Variants in TBXAS1 observed in about 807,000 individuals in gnomAD.
TBXAS1 encodes thromboxane A synthase 1, also known as thromboxane-A synthase.
A neutral mutation model predicts 60.7 loss-of-function variants in TBXAS1; 48 were observed. That is an observed-to-expected ratio of 0.79 (90% CI 0.63 to 1.01). The LOEUF (loss-of-function observed/expected upper bound fraction) is 1.01, where lower values mean the gene tolerates loss of function less well. Among genes scored for constraint, TBXAS1 ranks in the 50% least tolerant of loss-of-function variants. The probability of loss-of-function intolerance (pLI) is 0.00; values close to 1 mark genes in which losing one functional copy is unlikely to be tolerated. For synonymous variants in TBXAS1, 287 were observed against 269.7 expected (o/e 1.06, Z -0.63); for missense variants, 685 against 686.3 (o/e 1.00, Z 0.02).
At chr7:139,863,420 T>C (rs2116734966) in intron 1 of TBXAS1, among the ~76,000 whole-genome samples, 2 of 152,334 alleles carry the variant, frequency 1.3e-5, no homozygotes, top group Middle Eastern at 3.4e-3. Flanking sequence ...CAACAAATTA[T>C]AATGGCTGTC....
chr7:139,890,084 A>G (rs1803440587), intron 3 of TBXAS1, among the ~76,000 whole-genome samples: 1 of 152,178 alleles, frequency 6.6e-6, no homozygotes, highest in Non-Finnish European at 1.5e-5. Flanking sequence ...TTCCACTGAC[A>G]GTAATAATTG....
intron 4 of TBXAS1, among the ~76,000 whole-genome samples, chr7:139,925,638 AT>A (rs1444385614): frequency 3.7e-4 from 57 of 152,300 alleles, no homozygotes; most frequent in Non-Finnish European, 1.5e-4. Flanking sequence ...CGTTTATTTC[AT>A]TCTCTTGACT....
chr7:139,908,680 G>T (rs1300066687), intron 3 of TBXAS1, among the ~76,000 whole-genome samples: 1 of 151,980 alleles, frequency 6.6e-6, no homozygotes, highest in Non-Finnish European at 1.5e-5. Context: ...ATCATATGGT[G>T]GTGAAATTTT....
chr7:139,799,310 A>C (rs1213142739), intron 4 of TBXAS1, among the ~76,000 whole-genome samples: 1 of 151,602 alleles, frequency 6.6e-6, no homozygotes, highest in African/African-American at 2.4e-5. Context: ...GCTCACTGCA[A>C]ACTCTGCTTC....
intron 1 of TBXAS1, among the ~76,000 whole-genome samples, chr7:139,840,826 G>A (rs896870944): frequency 6.6e-5 from 10 of 152,232 alleles, no homozygotes; most frequent in Non-Finnish European, 1.5e-4. Context: ...TGTCTGGCAA[G>A]GTGGCAAGAG....
intron 9 of TBXAS1, among the ~76,000 whole-genome samples, chr7:139,983,626 C>T (rs141723120): frequency 6.6e-6 from 1 of 152,280 alleles, no homozygotes; most frequent in African/African-American, 2.4e-5. Flanking sequence ...ATTTTCTCAC[C>T]TACTCAGTCT....
rs572309689 is a variant in TBXAS1 at position 140,010,717 on chromosome 7, G to A, written c.1226+3535G>A. On this transcript the variant is annotated intron_variant, in intron 10 of 12. Transcript: ENST00000448866. ...CTTAGCATCTCAATGGGTTCTCCAC[G>A]CCCTGGCCTTTTTCTGTTCCTGTCT... 2.4e-4 allele frequency among the ~76,000 whole-genome samples: 36 copies of A among 152,162 alleles called. 1 individual carries two copies. In the East Asian group the frequency reaches 6.2e-3, roughly 26 times the overall value.
At chr7:139,910,567 G>C (rs1805441814) in intron 3 of TBXAS1, among the ~76,000 whole-genome samples, 1 of 152,142 alleles carries the variant, frequency 6.6e-6, no homozygotes, top group South Asian at 2.1e-4. Flanking sequence ...AACCCGGGAG[G>C]GGGAGGTTGC....
At chr7:139,839,695 A>C (rs10266771) in intron 1 of TBXAS1, among the ~76,000 whole-genome samples, 65,677 of 145,664 alleles carry the variant, frequency 0.45, 15,631 homozygotes, top group East Asian at 0.82. Context: ...AAAAAAAAAA[A>C]CAAATCAAAA....
In TBXAS1 at chr7:139,798,397, G is replaced by C. The variant is rs139462663; in HGVS notation, c.-80+10971G>C. On this transcript the variant is annotated intron_variant, in intron 4 of 16. Coordinates refer to the TBXAS1 transcript ENST00000336425. ...GAGCCAAGTTTCCACTGTGCTGTGA[G>C]CAGAGGAAGCCAGGTGTATTGTTCC... Among the ~76,000 whole-genome samples the C allele has an allele frequency of 1.4e-3, 212 of 152,334 alleles. 1 individual carries two copies. The highest frequency in any genetic ancestry group is 4.9e-3 in the African/African-American group (203 of 41,578).
intron 3 of TBXAS1, among the ~76,000 whole-genome samples, chr7:139,897,261 A>C (rs1804181028): frequency 1.4e-5 from 2 of 142,954 alleles, no homozygotes; most frequent in South Asian, 4.7e-4. Context: ...GGGGAACAGC[A>C]TGTGCAAAGG....
intron 5 of TBXAS1, among the ~76,000 whole-genome samples, chr7:139,938,205 G>A (rs11543716): frequency 6.6e-6 from 1 of 152,284 alleles, no homozygotes; most frequent in East Asian, 1.9e-4. Context: ...GTCTGATACA[G>A]TGTAGACAGC....
intron 9 of TBXAS1, among the ~76,000 whole-genome samples, chr7:139,981,359 G>T (rs185532385): frequency 1.3e-5 from 2 of 152,084 alleles, no homozygotes; most frequent in African/African-American, 2.4e-5. Context: ...CAGGTGATCC[G>T]CCTGCGTCGG....
intron 9 of TBXAS1, among the ~76,000 whole-genome samples, chr7:139,970,170 G>A (rs1247615176): frequency 2.0e-5 from 3 of 152,162 alleles, no homozygotes; most frequent in Non-Finnish European, 2.9e-5. Flanking sequence ...GCAGTGGCAC[G>A]ATCTTGGCTC....
chr7:139,839,471 G>A (rs1799280455), intron 1 of TBXAS1, among the ~76,000 whole-genome samples: 1 of 152,082 alleles, frequency 6.6e-6, no homozygotes, highest in Non-Finnish European at 1.5e-5. Flanking sequence ...CAGCCTGGAA[G>A]GGCTTGTAGT....
chr7:139,857,809 C>T (rs1225236581), intron 1 of TBXAS1, among the ~76,000 whole-genome samples: 2 of 151,618 alleles, frequency 1.3e-5, no homozygotes, highest in Non-Finnish European at 2.9e-5. Flanking sequence ...TAGCTTACTG[C>T]AGCCTCTAAT....
chr7:139,847,263 C>T (rs1157750524), intron 1 of TBXAS1, among the ~76,000 whole-genome samples: 1 of 152,144 alleles, frequency 6.6e-6, no homozygotes, highest in Non-Finnish European at 1.5e-5. Context: ...TTCTAATTTT[C>T]ATCTGGTCTT....
chr7:139,981,152 G>A (rs1256793646), intron 9 of TBXAS1, among the ~76,000 whole-genome samples: 1 of 152,146 alleles, frequency 6.6e-6, no homozygotes, highest in Non-Finnish European at 1.5e-5. Flanking sequence ...CTGTCACCCA[G>A]GCTGGAGTGC....
At chr7:139,992,085 A>G (rs1812950266) in intron 9 of TBXAS1, among the ~76,000 whole-genome samples, 2 of 152,212 alleles carry the variant, frequency 1.3e-5, no homozygotes, top group African/African-American at 4.8e-5. Flanking sequence ...CGCTCTAGCA[A>G]TATGGCACAA....
Sources: gnomAD v4.1 joint callset for allele counts (sites outside exome capture counted in the v4.1 genomes callset) on GRCh38, gnomAD v4.1.1 for gene constraint, MANE v1.5 for transcripts, NCBI Gene and HGNC (gene_info 2026-07-23, HGNC 2026-07-21) for gene names.